The following RFT1 variants were observed in gnomAD, a reference collection of about 807,000 sequenced individuals.
The protein encoded by RFT1 is RFT1 glycolipid translocator homolog, also known as man(5)GlcNAc(2)-PP-dolichol translocation protein RFT1.
A neutral mutation model predicts 62.2 loss-of-function variants in RFT1; 43 were observed. The ratio of observed to expected loss-of-function variants is 0.69; its 90% confidence interval spans 0.54 to 0.89. The LOEUF (loss-of-function observed/expected upper bound fraction) is 0.89. Among genes scored for constraint, RFT1 ranks in the 40% least tolerant of loss-of-function variants. The pLI is 0.00. For synonymous variants in RFT1, 262 were observed against 264.6 expected, an observed-to-expected ratio of 0.99 and a Z score of 0.10; for missense variants, 605 against 649.9, an observed-to-expected ratio of 0.93 and a Z score of 0.75.
chr3:53,080,239 C>T, the RFT1 span, among the ~76,000 whole-genome samples: 3 of 152,214 alleles, frequency 2.0e-5, no homozygotes, highest in African/African-American at 7.2e-5. Flanking sequence ...CCTTCTTGTC[C>T]TGGGGAGGTG....
chr3:53,074,151 C>A, the RFT1 span, among the ~76,000 whole-genome samples: 1 of 152,148 alleles, frequency 6.6e-6, no homozygotes, highest in Non-Finnish European at 1.5e-5. Context: ...CTCTGGAAGA[C>A]GGAAATTGTC....
intron 1 of RFT1, among the ~76,000 whole-genome samples, chr3:53,127,528 C>T (rs541751339): frequency 1.5e-4 from 23 of 152,152 alleles, no homozygotes; most frequent in Middle Eastern, 3.4e-3. Flanking sequence ...GGTGAAACCC[C>T]GCCTCTCCTA....
At chr3:53,120,392 CCTAA>C (rs1701936904) in intron 5 of RFT1, among the ~76,000 whole-genome samples, 1 of 152,220 alleles carries the variant, frequency 6.6e-6, no homozygotes. Flanking sequence ...ATCTATGTAT[CCTAA>C]CTGTGTTAAT....
rs141947764 is a variant in RFT1, at chr3:53,109,175, T to A, written c.776-2306A>T. On this transcript the variant is annotated intron_variant, in intron 7 of 12. Transcript: ENST00000296292. ...CTGGGCCCACCTTGGCTCCTGTCATTCTCACCACCTAGTGTGTCTTTTCTG... is the reference window on the plus strand; with the variant it reads ...CTGGGCCCACCTTGGCTCCTGTCATACTCACCACCTAGTGTGTCTTTTCTG... Among the ~76,000 whole-genome samples the A allele has an allele frequency of 3.9e-5, 6 of 152,306 alleles. No homozygotes were observed. In the East Asian group the frequency reaches 9.7e-4, roughly 25 times the overall value.
the RFT1 span, among the ~76,000 whole-genome samples, chr3:53,079,416 C>T: frequency 6.6e-6 from 1 of 152,170 alleles, no homozygotes; most frequent in Non-Finnish European, 1.5e-5. Flanking sequence ...CCCAGGAAAA[C>T]TCCACCTTAT....
In RFT1 at chr3:53,108,357, C is replaced by T. The variant is rs562621966; in HGVS notation, c.776-1488G>A. On this transcript the variant is annotated intron_variant, in intron 7 of 12. Transcript: ENST00000296292. ...GTGAGCCACTGTGCCTGGCCTCAAACACAGCTCTTAAATCAGTCTCTGCTT... is the reference window on the plus strand; with the variant it reads ...GTGAGCCACTGTGCCTGGCCTCAAATACAGCTCTTAAATCAGTCTCTGCTT... Among the ~76,000 whole-genome samples, 72 of 149,566 alleles carry T rather than the reference C, an allele frequency of 4.8e-4. 1 individual carries two copies. In the South Asian group the frequency reaches 0.015, roughly 31 times the overall value.
At chr3:53,100,868 T>A (rs1701290570) in intron 10 of RFT1, among the ~76,000 whole-genome samples, 1 of 152,142 alleles carries the variant, frequency 6.6e-6, no homozygotes, top group Non-Finnish European at 1.5e-5. Flanking sequence ...TACATGGGAT[T>A]TTTTGTACAT....
intron 11 of RFT1, among the ~76,000 whole-genome samples, chr3:53,097,978 T>C (rs549813374): frequency 7.2e-5 from 11 of 152,320 alleles, no homozygotes; most frequent in African/African-American, 2.4e-4. Flanking sequence ...AGGCTGGGAA[T>C]CAATTTAGAG....
the RFT1 span, among the ~76,000 whole-genome samples, chr3:53,074,009 C>T: frequency 6.6e-6 from 1 of 152,150 alleles, no homozygotes; most frequent in South Asian, 2.1e-4. Flanking sequence ...GTTAGGTCTG[C>T]GGGGCCCCGG....
chr3:53,078,840 T>C, the RFT1 span, among the ~76,000 whole-genome samples: 2 of 152,120 alleles, frequency 1.3e-5, no homozygotes, highest in Admixed American at 1.3e-4. Flanking sequence ...GCCCACTGGC[T>C]CTCCAACTCT....
intron 2 of RFT1, 81 bp downstream of exon 2, chr3:53,125,828 G>T: frequency 9.2e-7 from 1 of 1,091,638 alleles, no homozygotes; most frequent in South Asian, 1.3e-5. Flanking sequence ...AGAATCCAAG[G>T]ATGACAAACA....
intron 11 of RFT1, among the ~76,000 whole-genome samples, chr3:53,094,199 C>T (rs1307235055): frequency 6.6e-6 from 1 of 152,074 alleles, no homozygotes; most frequent in Non-Finnish European, 1.5e-5. Context: ...GCCTGGACAA[C>T]ATAGTGAGAC....
intron 6 of RFT1, among the ~76,000 whole-genome samples, chr3:53,114,838 A>G (rs1291904603): frequency 6.6e-6 from 1 of 152,012 alleles, no homozygotes; most frequent in African/African-American, 2.4e-5. Context: ...TCACACTTTC[A>G]CCTGAGTCAC....
At chr3:53,103,744 G>A (rs1309766952) in intron 10 of RFT1, 1 of 613,102 alleles carries the variant, frequency 1.6e-6, no homozygotes, top group Non-Finnish European at 2.9e-6. Flanking sequence ...GGCTGGGGAA[G>A]CTGATTGTCC....
At chr3:53,080,054 C>CTT in the RFT1 span, among the ~76,000 whole-genome samples, 2 of 152,218 alleles carry the variant, frequency 1.3e-5, no homozygotes, top group East Asian at 3.9e-4. Flanking sequence ...TGCCTTTCCA[C>CTT]TTTCTTCAGA....
chr3:53,106,140 G>C (rs749984509), intron 8 of RFT1, among the ~76,000 whole-genome samples: 1 of 152,072 alleles, frequency 6.6e-6, no homozygotes, highest in Non-Finnish European at 1.5e-5. Flanking sequence ...GGCTGAGGTG[G>C]GAGGATCACC....
At position 53,099,467 on chromosome 3, in the gene RFT1, G is replaced by A. The variant is rs1333734466; in HGVS notation, c.1122C>T (p.Ser374=). The A allele has an allele frequency of 3.1e-6, 5 of 1,613,862 alleles. No individual in the cohort carries two copies. The highest frequency in any genetic ancestry group is 4.2e-6 in the Non-Finnish European group (5 of 1,179,952). ...CAAGCAGGAGAACATAGAGACAGTAGGAACGCAGCAAAACAGGACCTACAA... is the reference window on the plus strand; with the variant it reads ...CAAGCAGGAGAACATAGAGACAGTAAGAACGCAGCAAAACAGGACCTACAA... ...SSGSGPVLLR[S]YCLYVLLLAI... is the part of the protein sequence containing the mutation. The change falls in exon 11 of 13, where the codon TCC becomes TCT. Residue 374 remains serine (S), a synonymous_variant. Coordinates refer to ENST00000296292, the MANE Select transcript of RFT1 (RefSeq NM_052859.4).
At chr3:53,104,536 T>C (rs528536177) in intron 9 of RFT1, among the ~76,000 whole-genome samples, 6 of 152,298 alleles carry the variant, frequency 3.9e-5, no homozygotes, top group African/African-American at 1.4e-4. Flanking sequence ...ACCACTAATA[T>C]TTATTCTTAA....
At chr3:53,096,893 C>T (rs576102531) in intron 11 of RFT1, among the ~76,000 whole-genome samples, 1 of 151,970 alleles carries the variant, frequency 6.6e-6, no homozygotes, top group African/African-American at 2.4e-5. Flanking sequence ...TACAGGCGTG[C>T]GCCCCTACGC....
Sources: allele counts gnomAD v4.1 joint callset (sites outside exome capture counted in the v4.1 genomes callset), GRCh38; gene constraint gnomAD v4.1.1; transcripts MANE v1.5; gene names NCBI Gene and HGNC (gene_info 2026-07-23, HGNC 2026-07-21).